NPTN: variants seen among roughly 807,000 people sequenced by gnomAD.
NPTN encodes the protein SDR-1.
In NPTN, 5 loss-of-function variants were observed where a neutral mutation model predicts 42.7. That is an observed-to-expected ratio of 0.12 (90% CI 0.06 to 0.25). The LOEUF is 0.25. NPTN is among the 10% of genes least tolerant of loss of function. The pLI is 1.00. For synonymous variants in NPTN, 180 were observed against 201.9 expected (o/e 0.89, Z 0.92); for missense variants, 307 against 525.4 (o/e 0.58, Z 4.06).
intron 4 of NPTN, among the ~76,000 whole-genome samples, chr15:73,576,890 A>G (rs1042915103): frequency 3.3e-5 from 5 of 152,240 alleles, no homozygotes; most frequent in Non-Finnish European, 7.3e-5. Context: ...TTTTATAAAT[A>G]AATCAGTTCT....
intron 6 of NPTN, chr15:73,565,815 C>A (rs1171312261): frequency 2.2e-6 from 1 of 456,236 alleles, no homozygotes; most frequent in Admixed American, 2.3e-5. Context: ...GTTCCATCTT[C>A]CCAACCGAAT....
At chr15:73,562,441 A>G (rs928797882) in intron 7 of NPTN, among the ~76,000 whole-genome samples, 10 of 152,236 alleles carry the variant, frequency 6.6e-5, no homozygotes, top group African/African-American at 2.2e-4. Flanking sequence ...ATCCGGAACT[A>G]TAATTACGAT....
At chr15:73,562,685 A>C (rs1432362944) in intron 7 of NPTN, among the ~76,000 whole-genome samples, 1 of 152,192 alleles carries the variant, frequency 6.6e-6, no homozygotes, top group Non-Finnish European at 1.5e-5. Context: ...ATGGGGCTAG[A>C]CAGTTTATCC....
intron 1 of NPTN, among the ~76,000 whole-genome samples, chr15:73,631,439 T>A (rs1898737711): frequency 6.6e-6 from 1 of 152,240 alleles, no homozygotes; most frequent in African/African-American, 2.4e-5. Context: ...ACCCCTGCAG[T>A]GATATCCAAG....
At chr15:73,632,277 T>C (rs1251683174) in intron 1 of NPTN, among the ~76,000 whole-genome samples, 1 of 142,258 alleles carries the variant, frequency 7.0e-6, no homozygotes, top group Non-Finnish European at 1.5e-5. Context: ...CCCATCTCTA[T>C]ACCCAGGCCT....
intron 6 of NPTN, chr15:73,568,098 G>C (rs1895139053): frequency 1.0e-6 from 1 of 985,436 alleles, no homozygotes; most frequent in Admixed American, 6.1e-5. Context: ...CAGTAACCAA[G>C]AAAACTCTTA....
At chr15:73,603,020 A>G (rs1216015941) in intron 1 of NPTN, among the ~76,000 whole-genome samples, 1 of 152,248 alleles carries the variant, frequency 6.6e-6, no homozygotes, top group East Asian at 1.9e-4. Context: ...GAGAAACTAC[A>G]TAGTTTAGTG....
intron 1 of NPTN, chr15:73,632,599 C>G (rs1898813542): frequency 6.5e-6 from 1 of 152,790 alleles, no homozygotes; most frequent in Non-Finnish European, 1.5e-5. Flanking sequence ...GTACTCAGCT[C>G]ACCATTAGTG....
intron 1 of NPTN, among the ~76,000 whole-genome samples, chr15:73,600,087 TCTGA>T (rs377357224): frequency 2.6e-5 from 4 of 152,242 alleles, no homozygotes; most frequent in African/African-American, 7.2e-5. Context: ...TGAGAAACAG[TCTGA>T]CTATGATTCC....
At chr15:73,586,228 C>T (rs1896312832) in intron 4 of NPTN, among the ~76,000 whole-genome samples, 1 of 152,200 alleles carries the variant, frequency 6.6e-6, no homozygotes, top group Non-Finnish European at 1.5e-5. Flanking sequence ...AGAGAGGTCT[C>T]ACCACAAATT....
chr15:73,579,604 T>G (rs990540542), intron 4 of NPTN, among the ~76,000 whole-genome samples: 1 of 152,078 alleles, frequency 6.6e-6, no homozygotes, highest in Non-Finnish European at 1.5e-5. Flanking sequence ...GGACCCAGAC[T>G]TAAAGGTCAA....
chr15:73,568,136 G>C (rs1351273919), intron 6 of NPTN: 4 of 985,254 alleles, frequency 4.1e-6, no homozygotes, highest in Non-Finnish European at 4.8e-6. Flanking sequence ...CCCTGGGCAG[G>C]TGTCTGCACT....
At chr15:73,578,992 C>CAAAA (rs532918109) in intron 4 of NPTN, among the ~76,000 whole-genome samples, 6 of 54,690 alleles carry the variant, frequency 1.1e-4, no homozygotes, top group African/African-American at 3.3e-4. Context: ...GATTCTGTCT[C>CAAAA]AAAAAAAAAA....
chr15:73,587,692 G>C (rs114430535), intron 3 of NPTN, 74 bp from the exon 4 acceptor site: 2 of 1,057,348 alleles, frequency 1.9e-6, no homozygotes, highest in Non-Finnish European at 2.9e-6. Flanking sequence ...GAGAATCAAA[G>C]GGGCAATCAG....
At chr15:73,568,572 TG>T in intron 6 of NPTN, 1 of 985,380 alleles carries the variant, frequency 1.0e-6, no homozygotes, top group Non-Finnish European at 1.2e-6. Flanking sequence ...AGTCCTAATA[TG>T]TAGCAGGAAA....
Position 73,631,590 on chromosome 15 carries a change from G to A in NPTN, c.91+1535C>T, listed in dbSNP as rs1474367207. Among the ~76,000 whole-genome samples the A allele has an allele frequency of 2.0e-5, 3 of 152,074 alleles. No homozygotes were observed. The East Asian group carries it at 5.8e-4, about 29-fold the overall frequency. On this transcript the variant is annotated intron_variant, in intron 1 of 8. Transcript: ENST00000345330. ...ACCCAGTTTCTCAAAAAACTCCACT[G>A]GCTCTATCACTGATTTTTTAAAATT... is the stretch of plus-strand genomic sequence containing the variant.
chr15:73,612,407 G>A (rs1401649086), intron 1 of NPTN, among the ~76,000 whole-genome samples: 3 of 140,520 alleles, frequency 2.1e-5, no homozygotes, highest in Admixed American at 7.3e-5. Context: ...CCCACAGAGC[G>A]AGATCCTGTC....
At chr15:73,623,834 C>T (rs1404780239) in intron 1 of NPTN, among the ~76,000 whole-genome samples, 1 of 152,114 alleles carries the variant, frequency 6.6e-6, no homozygotes, top group Non-Finnish European at 1.5e-5. Context: ...AGTACCCTCT[C>T]AACCAGCTCT....
At chr15:73,573,474 A>G (rs1895520575) in intron 5 of NPTN, among the ~76,000 whole-genome samples, 188 bp downstream of exon 5, 1 of 152,212 alleles carries the variant, frequency 6.6e-6, no homozygotes, top group Non-Finnish European at 1.5e-5. Flanking sequence ...AATCACGTAC[A>G]GGGATTTTTG....
Sources: gnomAD v4.1 joint callset for allele counts (sites outside exome capture counted in the v4.1 genomes callset) on GRCh38, gnomAD v4.1.1 for gene constraint, MANE v1.5 for transcripts, NCBI Gene and HGNC (gene_info 2026-07-23, HGNC 2026-07-21) for gene names.